Variants in APOL3 observed in about 807,000 individuals in gnomAD.
APOL3 encodes apolipoprotein L3.
In APOL3, 14 loss-of-function variants were observed where a neutral mutation model predicts 11.6. The ratio of observed to expected loss-of-function variants is 1.21; its 90% confidence interval spans 0.80 to 1.89. The LOEUF (loss-of-function observed/expected upper bound fraction) is 1.89. Among genes scored for constraint, APOL3 ranks in the 40% most tolerant of loss-of-function variants. The pLI is 0.00. For missense variants in APOL3, 483 were observed against 492.1 expected (o/e 0.98, Z 0.17); for synonymous variants, 192 against 190.6 (o/e 1.01, Z -0.06).
At chr22:36,142,128 T>A in intron 2 of APOL3, 70 bp from the exon 4 acceptor site, 1 of 1,480,718 alleles carries the variant, frequency 6.8e-7, no homozygotes, top group Non-Finnish European at 9.0e-7. Context: ...CAATAAGATC[T>A]GTTCTACATA....
intron 1 of APOL3, chr22:36,154,464 A>G (rs1455378615): frequency 2.6e-6 from 1 of 382,140 alleles, no homozygotes; most frequent in East Asian, 7.4e-5. Context: ...GTAACAGAGA[A>G]TGTTTAATTG....
intron 2 of APOL3, among the ~76,000 whole-genome samples, chr22:36,144,484 A>C (rs1284320151): frequency 2.6e-5 from 4 of 152,108 alleles, no homozygotes; most frequent in African/African-American, 4.8e-5. Context: ...CAAGACATAA[A>C]ACAACAGCCC....
At chr22:36,153,405 G>A (rs1017880267) in intron 1 of APOL3, 7 of 456,056 alleles carry the variant, frequency 1.5e-5, no homozygotes, top group African/African-American at 1.0e-4. Context: ...GAGAAACCTC[G>A]GTGGCTGGGG....
chr22:36,145,995 TCTCTCTCACACA>T, intron 1 of APOL3: 1 of 128,432 alleles, frequency 7.8e-6, no homozygotes. Context: ...TCTCTCTCTC[TCTCTCTCACACA>T]CTCACACACA....
At chr22:36,144,640 T>A (rs1225770477) in intron 2 of APOL3, among the ~76,000 whole-genome samples, 1 of 152,128 alleles carries the variant, frequency 6.6e-6, no homozygotes, top group Non-Finnish European at 1.5e-5. Context: ...GGACAGCATC[T>A]CCAGGAACAC....
chr22:36,152,257 A>G (rs889313719), intron 1 of APOL3, among the ~76,000 whole-genome samples: 4 of 152,238 alleles, frequency 2.6e-5, no homozygotes, highest in Admixed American at 6.5e-5. Flanking sequence ...AGAGGGGGAA[A>G]AAACAAAGGC....
At chr22:36,149,982 A>T (rs1413105253) in intron 1 of APOL3, 2 of 438,294 alleles carry the variant, frequency 4.6e-6, no homozygotes, top group African/African-American at 2.1e-5. Flanking sequence ...CATTAAAAAA[A>T]AATTTTTTTT....
intron 2 of APOL3, 121 bp from the exon 4 acceptor site, chr22:36,142,179 T>C: frequency 8.9e-7 from 1 of 1,124,068 alleles, no homozygotes; most frequent in Non-Finnish European, 1.2e-6. Flanking sequence ...GAAATAAAGC[T>C]TTAAATTTTA....
At chr22:36,145,575 G>A in exon 2 of APOL3, 7 of 1,613,824 alleles carry the variant, frequency 4.3e-6, no homozygotes, top group Non-Finnish European at 5.9e-6. Flanking sequence ...GTATTTGGTG[G>A]CCTCTTCAGT....
rs186521668 is a variant in APOL3, at chr22:36,143,212, T to G, written c.351-1154A>C. Among the ~76,000 whole-genome samples, 14 of 152,348 alleles carry G rather than the reference T, an allele frequency of 9.2e-5. No individual in the cohort carries two copies. In the South Asian group the frequency reaches 1.5e-3, roughly 16 times the overall value. On this transcript the variant is annotated intron_variant, in intron 2 of 2. Transcript: ENST00000349314. The stretch of plus-strand genomic sequence containing the variant: ...CCTTAACTGGGTGAGCTTCTCTGGT[T>G]GGCAACACCCCATGTGTTTTGTCCC...
exon 2 of APOL3, chr22:36,145,570 T>G: frequency 6.2e-7 from 1 of 1,613,992 alleles, no homozygotes. Context: ...CGGAAGTATT[T>G]GGTGGCCTCT....
rs542353913 is a variant in APOL3 at position 36,141,334 on chromosome 22, C to T, written c.1075G>A (p.Glu359Lys). ...GCCCCCTCATGCAAGTGCTTTGACT[C>T]GTATACAAGGTTGACCACATCCAGT... is the stretch of plus-strand genomic sequence containing the variant. The change falls in exon 3 of 3, where the codon GAG (glutamate) becomes AAG (lysine). Residue 359 changes from glutamate to lysine, a missense_variant. Coordinates refer to ENST00000349314, the Ensembl canonical transcript of APOL3. The T allele has an allele frequency of 6.9e-5, 111 of 1,614,162 alleles. 1 individual carries two copies. The East Asian group carries it at 1.6e-3, about 23-fold the overall frequency.
intron 1 of APOL3, chr22:36,157,016 G>A: frequency 2.2e-6 from 1 of 456,210 alleles, no homozygotes; most frequent in South Asian, 1.5e-5. Context: ...TCTTTTTGGG[G>A]AAGAACAAAT....
At chr22:36,155,019 G>A (rs2012518634) in intron 1 of APOL3, among the ~76,000 whole-genome samples, 1 of 152,160 alleles carries the variant, frequency 6.6e-6, no homozygotes, top group South Asian at 2.1e-4. Flanking sequence ...GGTGCCGATG[G>A]ACCTCCACCT....
At chr22:36,154,734 T>C (rs9610413) in intron 1 of APOL3, 124,902 of 426,130 alleles carry the variant, frequency 0.29, 20,102 homozygotes, top group South Asian at 0.35. Context: ...TGTCTAAGTA[T>C]AGACAGAAAC....
intron 1 of APOL3, among the ~76,000 whole-genome samples, chr22:36,149,613 C>T (rs2032518): frequency 0.31 from 47,780 of 152,052 alleles, 8,064 homozygotes; most frequent in Middle Eastern, 0.39. Flanking sequence ...TGGGTGCAAC[C>T]GTGGCTCCCA....
At chr22:36,143,723 C>T (rs1042024096) in intron 2 of APOL3, among the ~76,000 whole-genome samples, 1 of 152,340 alleles carries the variant, frequency 6.6e-6, no homozygotes, top group South Asian at 2.1e-4. Context: ...TGACCTGGCA[C>T]CTCCAAGCTT....
At chr22:36,160,707 G>C (rs753431838) in exon 1 of APOL3, 2 of 1,613,900 alleles carry the variant, frequency 1.2e-6, no homozygotes, top group East Asian at 4.5e-5. Context: ...GCAAGATCCA[G>C]CTGTTCTGAG....
At chr22:36,154,750 C>G in intron 1 of APOL3, 1 of 375,048 alleles carries the variant, frequency 2.7e-6, no homozygotes, top group South Asian at 2.1e-5. Context: ...GAAACTGAGT[C>G]TCTGCTCCAC....
Sources: allele counts gnomAD v4.1 joint callset (sites outside exome capture counted in the v4.1 genomes callset), GRCh38; gene constraint gnomAD v4.1.1; transcripts MANE v1.5; gene names NCBI Gene and HGNC (gene_info 2026-07-23, HGNC 2026-07-21).